Variants in SLC39A11 observed in about 807,000 individuals in gnomAD.
SLC39A11 encodes the protein zinc transporter ZIP11.
A neutral mutation model predicts 36.1 loss-of-function variants in SLC39A11; 33 were observed. The ratio of observed to expected loss-of-function variants is 0.91; its 90% confidence interval spans 0.69 to 1.22. The LOEUF (loss-of-function observed/expected upper bound fraction) is 1.22. Ranked by LOEUF, SLC39A11 falls within the 50% of genes most tolerant of loss-of-function variation. SLC39A11 has a pLI of 0.00. For synonymous variants in SLC39A11, 166 were observed against 170.3 expected (o/e 0.97, Z 0.20); for missense variants, 432 against 430.3 (o/e 1.00, Z -0.03).
chr17:72,877,862 A>C (rs917190826), intron 5 of SLC39A11, among the ~76,000 whole-genome samples: 8 of 151,654 alleles, frequency 5.3e-5, no homozygotes, highest in African/African-American at 1.9e-4. Flanking sequence ...GTACATGTGC[A>C]CAACATGCAG....
intron 3 of SLC39A11, among the ~76,000 whole-genome samples, chr17:73,062,182 G>T (rs976741983): frequency 2.6e-5 from 4 of 151,428 alleles, no homozygotes; most frequent in Non-Finnish European, 5.9e-5. Flanking sequence ...AGATGAGGCC[G>T]GGCGCAGTAG....
intron 7 of SLC39A11, among the ~76,000 whole-genome samples, chr17:72,673,387 G>A (rs574962063): frequency 6.6e-6 from 1 of 152,292 alleles, no homozygotes; most frequent in East Asian, 1.9e-4. Context: ...ACAAGTGTGA[G>A]CCACCGTGCC....
chr17:72,947,307 C>T (rs1051327453), intron 5 of SLC39A11, among the ~76,000 whole-genome samples: 2 of 130,048 alleles, frequency 1.5e-5, no homozygotes, highest in Non-Finnish European at 3.4e-5. Context: ...GAGCAAGACT[C>T]CATCTCGGGG....
In SLC39A11 at chr17:73,088,525, C is replaced by A. The variant is rs148194617; in HGVS notation, c.108+132G>T. The A allele has an allele frequency of 3.9e-3, 2,667 of 677,944 alleles. 11 individuals are homozygous for A. The highest frequency in any genetic ancestry group is 5.6e-3 in the Non-Finnish European group (2,144 of 381,370). The allele number at this position is 677,944 out of a possible 1,614,324, so 42.0% of individuals were successfully genotyped here. A position where few individuals can be genotyped will look rare whatever the true frequency, so the allele number is the denominator to read the frequency against. On this transcript the variant is annotated intron_variant, in intron 2 of 9. Transcript: ENST00000255559. ...AGAAAATAAGAAGACAGCGAACAAACCCCAGTACACAATGCCTGGGGGTGT... is the reference window on the plus strand; with the variant it reads ...AGAAAATAAGAAGACAGCGAACAAAACCCAGTACACAATGCCTGGGGGTGT...
chr17:73,034,232 CT>C (rs2058831464), intron 3 of SLC39A11, among the ~76,000 whole-genome samples: 1 of 152,174 alleles, frequency 6.6e-6, no homozygotes, highest in South Asian at 2.1e-4. Flanking sequence ...GCCCGTTCTT[CT>C]TTGCATTTTT....
intron 3 of SLC39A11, among the ~76,000 whole-genome samples, chr17:73,061,645 T>C (rs2059843212): frequency 6.6e-6 from 1 of 152,178 alleles, no homozygotes; most frequent in Admixed American, 6.5e-5. Context: ...CGTAGACTCA[T>C]AGAGGGCTTA....
intron 4 of SLC39A11, among the ~76,000 whole-genome samples, chr17:72,954,399 A>T (rs1056795255): frequency 2.0e-5 from 3 of 152,204 alleles, no homozygotes; most frequent in Non-Finnish European, 4.4e-5. Context: ...CTACAGCTAC[A>T]TGGAAGCCAA....
intron 7 of SLC39A11, among the ~76,000 whole-genome samples, chr17:72,692,022 T>TC (rs1278224246): frequency 6.6e-6 from 1 of 151,670 alleles, no homozygotes; most frequent in Non-Finnish European, 1.5e-5. Flanking sequence ...GGATTTTTTT[T>TC]TTTTTTGAGG....
intron 5 of SLC39A11, among the ~76,000 whole-genome samples, chr17:72,906,667 G>A (rs988528588): frequency 1.3e-5 from 2 of 152,176 alleles, no homozygotes; most frequent in African/African-American, 4.8e-5. Flanking sequence ...AATGAAACAG[G>A]GCTTTAATGG....
chr17:72,965,428 A>T (rs1416868461), intron 4 of SLC39A11, among the ~76,000 whole-genome samples: 5 of 152,198 alleles, frequency 3.3e-5, no homozygotes, highest in Non-Finnish European at 7.3e-5. Flanking sequence ...TAGAAACTGC[A>T]CTTTGAATAC....
rs921537923 is a variant in SLC39A11, at chr17:72,820,539, C to T, written c.601+29095G>A. 1.8e-4 allele frequency among the ~76,000 whole-genome samples: 27 copies of T among 151,188 alleles called. 1 individual carries two copies. Among genetic ancestry groups the T allele is most frequent in the Admixed American group, 1.8e-3 (27 of 15,168 alleles). ...GCCACCGCGGATCTATTACATGGCA[C>T]ATCCTACACTGGGATTGCAGAGCTC... On this transcript the variant is annotated intron_variant, in intron 6 of 9. Coordinates refer to ENST00000255559, the MANE Select transcript of SLC39A11 (RefSeq NM_139177.4).
At chr17:72,696,105 C>T (rs1030419495) in intron 7 of SLC39A11, among the ~76,000 whole-genome samples, 3 of 151,778 alleles carry the variant, frequency 2.0e-5, no homozygotes, top group Middle Eastern at 3.4e-3. Context: ...AATAATTAAG[C>T]GAGGAAAAAA....
intron 6 of SLC39A11, among the ~76,000 whole-genome samples, chr17:72,773,585 A>AG (rs2076024859): frequency 6.6e-6 from 1 of 151,844 alleles, no homozygotes; most frequent in Non-Finnish European, 1.5e-5. Context: ...TGAATTACCC[A>AG]GTCTCAGGTA....
In SLC39A11 at chr17:72,897,394, T is replaced by G. The variant is rs147315372; in HGVS notation, c.431-47590A>C. 7.6e-3 allele frequency among the ~76,000 whole-genome samples: 1,153 copies of G among 152,328 alleles called. 13 individuals are homozygous for G. The highest frequency in any genetic ancestry group is 0.027 in the African/African-American group (1,107 of 41,572). On this transcript the variant is annotated intron_variant, in intron 5 of 9. Coordinates refer to ENST00000255559, the MANE Select transcript of SLC39A11 (RefSeq NM_139177.4). ...GCACTAGCCACACTTCGGGGCTTGA[T>G]AGACATGTGAAGCTAGTGGCATCTG...
At chr17:72,661,704 C>G (rs917682984) in intron 7 of SLC39A11, among the ~76,000 whole-genome samples, 10 of 152,174 alleles carry the variant, frequency 6.6e-5, no homozygotes, top group Non-Finnish European at 7.3e-5. Context: ...CCTACCTGCT[C>G]AGAGGAGCTG....
intron 7 of SLC39A11, among the ~76,000 whole-genome samples, chr17:72,686,409 A>C (rs1027989481): frequency 3.3e-5 from 5 of 152,152 alleles, no homozygotes; most frequent in Non-Finnish European, 7.3e-5. Flanking sequence ...ACAGTGCCTG[A>C]TTCGGGATCC....
intron 5 of SLC39A11, among the ~76,000 whole-genome samples, chr17:72,880,490 T>C (rs1311682966): frequency 6.6e-6 from 1 of 152,008 alleles, no homozygotes; most frequent in Non-Finnish European, 1.5e-5. Flanking sequence ...GAGGATAACT[T>C]GAGCTCTGGG....
At chr17:72,685,824 A>G (rs2071719881) in intron 7 of SLC39A11, among the ~76,000 whole-genome samples, 1 of 152,116 alleles carries the variant, frequency 6.6e-6, no homozygotes, top group Non-Finnish European at 1.5e-5. Flanking sequence ...GGATCACTTG[A>G]GGTCAGGAGT....
chr17:73,077,957 C>G (rs60891163), intron 3 of SLC39A11, among the ~76,000 whole-genome samples: 20,903 of 152,064 alleles, frequency 0.14, 1,610 homozygotes, highest in Middle Eastern at 0.26. Flanking sequence ...AAAAGAGTAA[C>G]CTAGGGCACA....
Sources: gnomAD v4.1 joint callset for allele counts (sites outside exome capture counted in the v4.1 genomes callset) on GRCh38, gnomAD v4.1.1 for gene constraint, MANE v1.5 for transcripts, NCBI Gene and HGNC (gene_info 2026-07-23, HGNC 2026-07-21) for gene names.